The following PCP4 variants were observed in gnomAD, a reference collection of about 807,000 sequenced individuals.
The protein encoded by PCP4 is calmodulin regulator protein PCP4.
Under a neutral mutation model 10.0 loss-of-function variants are expected in PCP4, and 8 were observed. The observed-to-expected ratio is 0.80, with a 90% CI of 0.47 to 1.45. The LOEUF is 1.45. Ranked by LOEUF, PCP4 falls within the 40% of genes most tolerant of loss-of-function variation. The probability of loss-of-function intolerance (pLI) is 0.00; values close to 1 mark genes in which losing one functional copy is unlikely to be tolerated. For synonymous variants in PCP4, 21 were observed against 23.0 expected, an observed-to-expected ratio of 0.91 and a Z score of 0.24; for missense variants, 54 against 74.4, an observed-to-expected ratio of 0.73 and a Z score of 1.01.
chr21:39,870,033 T>TG (rs1014130972), intron 1 of PCP4, among the ~76,000 whole-genome samples: 2 of 152,196 alleles, frequency 1.3e-5, no homozygotes, highest in African/African-American at 4.8e-5. Flanking sequence ...CCCAGGCCAG[T>TG]GGGCAAGCCT....
rs536808143 is a variant in PCP4 at position 39,922,156 on chromosome 21, G to T, written c.62-6828G>T. On this transcript the variant is annotated intron_variant, in intron 2 of 2. Coordinates refer to ENST00000328619, the MANE Select transcript of PCP4 (RefSeq NM_006198.3). ...TGTGAGTCACCATGCCTGGCCCTGA[G>T]ACTCGTAAAATTCATTTGGGACTGT... 2.6e-5 allele frequency among the ~76,000 whole-genome samples: 4 copies of T among 152,240 alleles called. No homozygotes were observed. In the South Asian group the frequency reaches 8.3e-4, roughly 32 times the overall value.
At chr21:39,913,009 A>G (rs2087548295) in intron 2 of PCP4, among the ~76,000 whole-genome samples, 1 of 151,702 alleles carries the variant, frequency 6.6e-6, no homozygotes, top group Non-Finnish European at 1.5e-5. Flanking sequence ...TAACACCAAA[A>G]CTCTACTCTT....
chr21:39,914,711 A>T (rs999821633), intron 2 of PCP4, among the ~76,000 whole-genome samples: 3 of 152,172 alleles, frequency 2.0e-5, no homozygotes, highest in African/African-American at 7.2e-5. Context: ...CTTTGAGACT[A>T]CTTAAAAATG....
rs902760719 is a variant in PCP4 at position 39,903,886 on chromosome 21, A to C, written c.61+5359A>C. 7.9e-5 allele frequency among the ~76,000 whole-genome samples: 12 copies of C among 151,624 alleles called. No individual in the cohort carries two copies. The South Asian group carries it at 1.0e-3, about 13-fold the overall frequency. On this transcript the variant is annotated intron_variant, in intron 2 of 2. Coordinates refer to ENST00000328619, the MANE Select transcript of PCP4 (RefSeq NM_006198.3). ...CCGTCTCAAAAAAAACAAAAAAAAA[A>C]AAAAAAAAAAGACTTAGTTTGATTT...
Position 39,873,139 on chromosome 21 carries a change from G to GC in PCP4, c.9+5631dup, listed in dbSNP as rs111408944. 9.6e-3 allele frequency among the ~76,000 whole-genome samples: 1,466 copies of GC among 152,236 alleles called. 30 individuals carry two copies. Among genetic ancestry groups the GC allele is most frequent in the African/African-American group, 0.034 (1,409 of 41,548 alleles). On this transcript the variant is annotated intron_variant, in intron 1 of 2. Coordinates refer to ENST00000328619, the MANE Select transcript of PCP4 (RefSeq NM_006198.3). ...TGAAACTCAAGCAAAAGAGACTGTA[G>GC]CCAGAGAGGCAGAGCCTGTGAATAC...
chr21:39,876,119 T>G (rs2087344418), intron 1 of PCP4, among the ~76,000 whole-genome samples: 1 of 150,064 alleles, frequency 6.7e-6, no homozygotes, highest in South Asian at 2.1e-4. Flanking sequence ...ATTAAATATA[T>G]AGTAAATAAT....
At chr21:39,902,964 C>A (rs1349743875) in intron 2 of PCP4, among the ~76,000 whole-genome samples, 1 of 152,152 alleles carries the variant, frequency 6.6e-6, no homozygotes, top group Non-Finnish European at 1.5e-5. Context: ...ATAGACACAA[C>A]CATCTGAATC....
chr21:39,869,437 C>T (rs890056374), intron 1 of PCP4, among the ~76,000 whole-genome samples: 4 of 152,256 alleles, frequency 2.6e-5, no homozygotes, highest in Non-Finnish European at 4.4e-5. Context: ...CAGGTTCTTG[C>T]AGGAGCTCTT....
chr21:39,922,086 A>G (rs948968046), intron 2 of PCP4, among the ~76,000 whole-genome samples: 2 of 152,184 alleles, frequency 1.3e-5, no homozygotes, highest in African/African-American at 2.4e-5. Flanking sequence ...TTCTGGGCTC[A>G]AGTGACCCTC....
intron 1 of PCP4, among the ~76,000 whole-genome samples, chr21:39,897,245 G>A (rs887194942): frequency 2.6e-5 from 4 of 151,894 alleles, no homozygotes; most frequent in Non-Finnish European, 4.4e-5. Flanking sequence ...AAAATTAGCC[G>A]GGGGTGGTGG....
intron 2 of PCP4, among the ~76,000 whole-genome samples, chr21:39,924,743 G>A (rs1022783379): frequency 4.6e-5 from 7 of 152,052 alleles, no homozygotes; most frequent in African/African-American, 1.7e-4. Flanking sequence ...TTGTAGAAAC[G>A]GTGTCTCCAT....
At chr21:39,889,926 C>T (rs923813842) in intron 1 of PCP4, among the ~76,000 whole-genome samples, 1 of 152,166 alleles carries the variant, frequency 6.6e-6, no homozygotes, top group Non-Finnish European at 1.5e-5. Flanking sequence ...ACAAAGTGTA[C>T]TGGGCTGAAT....
intron 1 of PCP4, among the ~76,000 whole-genome samples, chr21:39,881,522 G>C (rs2087375548): frequency 1.3e-5 from 2 of 152,152 alleles, no homozygotes; most frequent in Non-Finnish European, 2.9e-5. Flanking sequence ...CCAGGGTCCT[G>C]TCCTCGCAGA....
chr21:39,909,675 C>T (rs2087529899), intron 2 of PCP4, among the ~76,000 whole-genome samples: 1 of 152,114 alleles, frequency 6.6e-6, no homozygotes, highest in Non-Finnish European at 1.5e-5. Flanking sequence ...GACGTGGCCT[C>T]CATCACAACG....
chr21:39,896,772 G>A (rs893190294), intron 1 of PCP4, among the ~76,000 whole-genome samples: 1 of 152,106 alleles, frequency 6.6e-6, no homozygotes, highest in African/African-American at 2.4e-5. Flanking sequence ...ATTAATTAAG[G>A]GTTGACAAAT....
At chr21:39,914,382 T>C (rs1414448806) in intron 2 of PCP4, among the ~76,000 whole-genome samples, 1 of 152,146 alleles carries the variant, frequency 6.6e-6, no homozygotes, top group Non-Finnish European at 1.5e-5. Flanking sequence ...GAGATCAGCC[T>C]GGCCAACATG....
At chr21:39,917,424 C>T (rs1189994895) in intron 2 of PCP4, among the ~76,000 whole-genome samples, 1 of 152,182 alleles carries the variant, frequency 6.6e-6, no homozygotes. Flanking sequence ...GACTTCCACC[C>T]CTGAGACATC....
intron 2 of PCP4, among the ~76,000 whole-genome samples, chr21:39,919,946 G>A (rs948525971): frequency 2.0e-5 from 3 of 150,830 alleles, no homozygotes; most frequent in African/African-American, 7.3e-5. Context: ...GAGTGCATGT[G>A]TGTGGAGTGA....
intron 1 of PCP4, among the ~76,000 whole-genome samples, chr21:39,872,243 C>T (rs183503991): frequency 6.6e-6 from 1 of 152,324 alleles, no homozygotes; most frequent in Admixed American, 6.5e-5. Flanking sequence ...AGGTGATCCG[C>T]CCGCCTTGGC....
Sources: allele counts gnomAD v4.1 joint callset (sites outside exome capture counted in the v4.1 genomes callset), GRCh38; gene constraint gnomAD v4.1.1; transcripts MANE v1.5; gene names NCBI Gene and HGNC (gene_info 2026-07-23, HGNC 2026-07-21).